Variants in DPP10 observed in about 807,000 individuals in gnomAD.
DPP10 encodes the protein dipeptidyl peptidase like 10.
In DPP10, 33 loss-of-function variants were observed where a neutral mutation model predicts 120.9. The observed-to-expected ratio is 0.27, with a 90% CI of 0.21 to 0.37. The LOEUF (loss-of-function observed/expected upper bound fraction) is 0.37, where lower values mean the gene tolerates loss of function less well. Among genes scored for constraint, DPP10 ranks in the 10% least tolerant of loss-of-function variants. DPP10 has a pLI of 1.00. For missense variants in DPP10, 816 were observed against 942.8 expected (o/e 0.87, Z 1.76); for synonymous variants, 337 against 326.1 (o/e 1.03, Z -0.36).
At chr2:115,064,584 G>T (rs77729118) in intron 1 of DPP10, 2 of 1,162,708 alleles carry the variant, frequency 1.7e-6, no homozygotes, top group South Asian at 1.5e-5. Context: ...CACATATTTC[G>T]GTTGGACATA....
intron 9 of DPP10, among the ~76,000 whole-genome samples, chr2:115,745,760 G>GT (rs1409281154): frequency 2.7e-5 from 4 of 149,480 alleles, no homozygotes; most frequent in African/African-American, 9.9e-5. Context: ...CTACTAGTTT[G>GT]TTTGTTTGTT....
chr2:114,958,755 A>G (rs1385960801), intron 1 of DPP10, among the ~76,000 whole-genome samples: 1 of 152,156 alleles, frequency 6.6e-6, no homozygotes, highest in Non-Finnish European at 1.5e-5. Context: ...GAATAGCCTC[A>G]CTGTTTAATT....
intron 1 of DPP10, among the ~76,000 whole-genome samples, chr2:114,774,125 A>G (rs1260569303): frequency 6.6e-6 from 1 of 152,150 alleles, no homozygotes; most frequent in Admixed American, 6.5e-5. Context: ...CATTCAACAC[A>G]TGCACTGTGG....
Position 114,747,173 on chromosome 2 carries a change from C to T in DPP10, c.60+304335C>T, listed in dbSNP as rs114597172. ...TGATGAGTCTGCCCTTTCCCATCCC[C>T]GGTTCTCCACATTTAGATGTTAGTC... On this transcript the variant is annotated intron_variant, in intron 1 of 25. Coordinates refer to ENST00000410059, the MANE Select transcript of DPP10 (RefSeq NM_020868.6). 2.5e-3 allele frequency among the ~76,000 whole-genome samples: 384 copies of T among 152,214 alleles called. 1 individual carries two copies. Among genetic ancestry groups the T allele is most frequent in the South Asian group, 6.6e-3 (32 of 4,818 alleles).
intron 1 of DPP10, among the ~76,000 whole-genome samples, chr2:115,151,675 G>C (rs962935345): frequency 1.3e-5 from 2 of 150,402 alleles, no homozygotes; most frequent in South Asian, 2.1e-4. Context: ...CCAAAGTACT[G>C]GGATTACAGG....
At chr2:115,831,043 AG>A (rs2150099162) in intron 21 of DPP10, among the ~76,000 whole-genome samples, 1 of 152,250 alleles carries the variant, frequency 6.6e-6, no homozygotes, top group South Asian at 2.1e-4. Flanking sequence ...TTCTGCTTCA[AG>A]GCAGGATTAT....
chr2:115,798,252 A>G (rs1684765104), intron 19 of DPP10, among the ~76,000 whole-genome samples: 1 of 151,984 alleles, frequency 6.6e-6, no homozygotes, highest in Non-Finnish European at 1.5e-5. Context: ...AGGGTAATTC[A>G]TATTGAAATC....
intron 1 of DPP10, among the ~76,000 whole-genome samples, chr2:114,534,897 C>G (rs757324069): frequency 2.0e-5 from 3 of 152,066 alleles, no homozygotes; most frequent in Non-Finnish European, 2.9e-5. Flanking sequence ...CTGGGATGCC[C>G]CCTTCTGGGG....
intron 1 of DPP10, among the ~76,000 whole-genome samples, chr2:114,560,907 C>T (rs564291135): frequency 6.6e-6 from 1 of 152,318 alleles, no homozygotes; most frequent in Admixed American, 6.5e-5. Flanking sequence ...GGGGAGAAGT[C>T]TCATGCTTCA....
chr2:115,553,012 G>C (rs555585690), intron 5 of DPP10, among the ~76,000 whole-genome samples: 10 of 152,152 alleles, frequency 6.6e-5, no homozygotes, highest in Admixed American at 6.6e-4. Flanking sequence ...AGAGAGTGGA[G>C]GACTCAGACA....
At chr2:115,583,046 A>G (rs1391028402) in intron 5 of DPP10, among the ~76,000 whole-genome samples, 2 of 152,216 alleles carry the variant, frequency 1.3e-5, no homozygotes, top group Admixed American at 1.3e-4. Flanking sequence ...AGCCTTTGTA[A>G]TGGATCTCAA....
chr2:114,541,349 ACT>A (rs1443095935), intron 1 of DPP10, among the ~76,000 whole-genome samples: 2 of 152,030 alleles, frequency 1.3e-5, no homozygotes, highest in Non-Finnish European at 2.9e-5. Context: ...CTGGGAGGTG[ACT>A]CTTGGACAGC....
chr2:115,741,397 A>G (rs2149697275), intron 9 of DPP10, among the ~76,000 whole-genome samples: 1 of 151,968 alleles, frequency 6.6e-6, no homozygotes, highest in South Asian at 2.1e-4. Flanking sequence ...AAAGAAAAGA[A>G]CTTCTGCTTT....
chr2:114,684,899 G>T (rs1489487382), intron 1 of DPP10, among the ~76,000 whole-genome samples: 1 of 151,944 alleles, frequency 6.6e-6, no homozygotes, highest in African/African-American at 2.4e-5. Context: ...ACCTAGGGGA[G>T]ACCATGGAGA....
At chr2:115,631,387 G>A (rs1413678281) in intron 5 of DPP10, among the ~76,000 whole-genome samples, 1 of 151,832 alleles carries the variant, frequency 6.6e-6, no homozygotes, top group Non-Finnish European at 1.5e-5. Flanking sequence ...TTTTTTGAAG[G>A]GTTTTTTGGG....
intron 1 of DPP10, among the ~76,000 whole-genome samples, chr2:114,887,342 A>C (rs1558845200): frequency 6.6e-6 from 1 of 152,182 alleles, no homozygotes; most frequent in South Asian, 2.1e-4. Context: ...AAAATACAAA[A>C]CTAATCATAA....
At position 114,691,867 on chromosome 2, in the gene DPP10, C is replaced by T. The variant is rs564408624; in HGVS notation, c.60+249029C>T. 9.9e-5 allele frequency among the ~76,000 whole-genome samples: 15 copies of T among 151,990 alleles called. No homozygotes were observed. In the East Asian group the frequency reaches 1.9e-3, roughly 20 times the overall value. On this transcript the variant is annotated intron_variant, in intron 1 of 25. Coordinates refer to ENST00000410059, the MANE Select transcript of DPP10 (RefSeq NM_020868.6). ...TATTCTAGATTTTCTATTTTATGTG[C>T]GTAGAGATGTTTATAGTATTCTCTG...
At chr2:115,338,114 T>A (rs966850197) in intron 2 of DPP10, among the ~76,000 whole-genome samples, 3 of 152,108 alleles carry the variant, frequency 2.0e-5, no homozygotes, top group Non-Finnish European at 4.4e-5. Context: ...TGAATAAATG[T>A]ATTAATGTGC....
At chr2:115,382,723 G>C (rs761979236) in intron 3 of DPP10, among the ~76,000 whole-genome samples, 13 of 152,174 alleles carry the variant, frequency 8.5e-5, no homozygotes, top group Non-Finnish European at 1.9e-4. Flanking sequence ...TAAAAAAAGA[G>C]CTGGAATAGT....
Sources: gnomAD v4.1 joint callset for allele counts (sites outside exome capture counted in the v4.1 genomes callset) on GRCh38, gnomAD v4.1.1 for gene constraint, MANE v1.5 for transcripts, NCBI Gene and HGNC (gene_info 2026-07-23, HGNC 2026-07-21) for gene names.